The following SFMBT2 variants were observed in gnomAD, a reference collection of about 807,000 sequenced individuals.
The protein encoded by SFMBT2 is scm-like with four MBT domains protein 2.
In SFMBT2, 38 loss-of-function variants were observed where a neutral mutation model predicts 110.1. That is an observed-to-expected ratio of 0.35 (90% CI 0.27 to 0.45). The LOEUF is 0.45. Among genes scored for constraint, SFMBT2 ranks in the 20% least tolerant of loss-of-function variants. SFMBT2 has a pLI of 1.00. For missense variants in SFMBT2, 1,011 were observed against 1,094.9 expected, an observed-to-expected ratio of 0.92 and a Z score of 1.08; for synonymous variants, 425 against 425.4, an observed-to-expected ratio of 1.00 and a Z score of 0.01.
At chr10:7,276,052 C>A (rs1455766887) in intron 7 of SFMBT2, among the ~76,000 whole-genome samples, 1 of 152,242 alleles carries the variant, frequency 6.6e-6, no homozygotes, top group Non-Finnish European at 1.5e-5. Context: ...CTTGGATGAA[C>A]CTGAATGGAC....
At chr10:7,189,534 T>C (rs1162569058) in intron 15 of SFMBT2, among the ~76,000 whole-genome samples, 1 of 152,230 alleles carries the variant, frequency 6.6e-6, no homozygotes, top group African/African-American at 2.4e-5. Flanking sequence ...TCATCATTAA[T>C]GATTAACATT....
At chr10:7,397,304 TAAC>T (rs1845952652) in intron 1 of SFMBT2, among the ~76,000 whole-genome samples, 1 of 151,768 alleles carries the variant, frequency 6.6e-6, no homozygotes, top group Admixed American at 6.6e-5. Flanking sequence ...TGCTAAGTAA[TAAC>T]ATACTCAATT....
At chr10:7,376,647 G>A (rs376473728) in intron 2 of SFMBT2, among the ~76,000 whole-genome samples, 2 of 125,050 alleles carry the variant, frequency 1.6e-5, no homozygotes, top group East Asian at 2.8e-4. Context: ...TAAAGTGAGC[G>A]GAGATCACAC....
intron 12 of SFMBT2, chr10:7,203,265 G>T: frequency 4.5e-6 from 1 of 223,794 alleles, no homozygotes; most frequent in Non-Finnish European, 7.5e-6. Context: ...AGAAATGCAA[G>T]CAAAAATAAA....
chr10:7,388,861 A>G (rs1168016969), intron 1 of SFMBT2, among the ~76,000 whole-genome samples: 1 of 152,064 alleles, frequency 6.6e-6, no homozygotes, highest in African/African-American at 2.4e-5. Flanking sequence ...GTGTTCCAGG[A>G]AGTGAAATGA....
chr10:7,377,168 CAAAAAAAAAA>C (rs58212127), intron 2 of SFMBT2, among the ~76,000 whole-genome samples: 4 of 83,820 alleles, frequency 4.8e-5, no homozygotes, highest in Admixed American at 1.4e-4. Context: ...GACTCCATCT[CAAAAAAAAAA>C]AAAAAAAAAA....
At chr10:7,336,996 C>G (rs1843736580) in intron 4 of SFMBT2, among the ~76,000 whole-genome samples, 1 of 151,410 alleles carries the variant, frequency 6.6e-6, no homozygotes, top group South Asian at 2.1e-4. Flanking sequence ...GGAGTACTTT[C>G]TGTCACCAGT....
At chr10:7,324,692 CG>C (rs560829133) in intron 4 of SFMBT2, among the ~76,000 whole-genome samples, 1 of 152,306 alleles carries the variant, frequency 6.6e-6, no homozygotes, top group South Asian at 2.1e-4. Context: ...TAAACAGAAA[CG>C]TATCTCACAG....
At chr10:7,204,051 A>T (rs889227672) in intron 12 of SFMBT2, 1 of 243,936 alleles carries the variant, frequency 4.1e-6, no homozygotes, top group Middle Eastern at 2.2e-3. Context: ...AGGGGAAAAG[A>T]ATGTCCCTGG....
intron 1 of SFMBT2, among the ~76,000 whole-genome samples, chr10:7,404,074 A>G (rs1233621203): frequency 1.3e-5 from 2 of 152,186 alleles, no homozygotes; most frequent in African/African-American, 2.4e-5. Context: ...CACCCCACAC[A>G]TATGTATGAT....
chr10:7,322,933 G>A (rs1377584005), intron 4 of SFMBT2, among the ~76,000 whole-genome samples: 1 of 152,186 alleles, frequency 6.6e-6, no homozygotes, highest in Admixed American at 6.5e-5. Context: ...GCTCTCATTT[G>A]TAAACCAGAA....
chr10:7,299,090 C>T (rs1250040576), intron 4 of SFMBT2, among the ~76,000 whole-genome samples: 1 of 152,106 alleles, frequency 6.6e-6, no homozygotes, highest in Non-Finnish European at 1.5e-5. Flanking sequence ...AATATACATT[C>T]TTCTCAGTGC....
At chr10:7,213,778 CGTGTGCG>C (rs1564387225) in intron 11 of SFMBT2, among the ~76,000 whole-genome samples, 11 of 146,926 alleles carry the variant, frequency 7.5e-5, no homozygotes, top group Non-Finnish European at 1.5e-4. Flanking sequence ...CACTCAGATC[CGTGTGCG>C]AGGCCATGGT....
intron 4 of SFMBT2, chr10:7,287,227 C>T (rs1288172922): frequency 6.6e-6 from 1 of 151,982 alleles, no homozygotes; most frequent in Non-Finnish European, 1.5e-5. Flanking sequence ...CTACAGGCAC[C>T]CGCCACCATG....
chr10:7,266,156 C>G (rs563646907), intron 7 of SFMBT2, among the ~76,000 whole-genome samples: 1 of 151,790 alleles, frequency 6.6e-6, no homozygotes, highest in African/African-American at 2.4e-5. Flanking sequence ...ATAGCATGAT[C>G]TCAGCTCACT....
At chr10:7,167,130 T>C (rs2131514051) in intron 20 of SFMBT2, among the ~76,000 whole-genome samples, 1 of 152,268 alleles carries the variant, frequency 6.6e-6, no homozygotes, top group East Asian at 1.9e-4. Flanking sequence ...GGTATTGAGA[T>C]CTAGAGAAGT....
chr10:7,364,748 C>T (rs1396046975), intron 4 of SFMBT2, among the ~76,000 whole-genome samples: 1 of 152,228 alleles, frequency 6.6e-6, no homozygotes, highest in Non-Finnish European at 1.5e-5. Context: ...TATGTGCCCC[C>T]TCTGTGTGCC....
chr10:7,332,044 G>A (rs1379941984), intron 4 of SFMBT2, among the ~76,000 whole-genome samples: 1 of 148,448 alleles, frequency 6.7e-6, no homozygotes, highest in African/African-American at 2.5e-5. Context: ...AAAAGGAAAG[G>A]TGAATGGTTA....
At chr10:7,251,559 T>G (rs1840812960) in intron 7 of SFMBT2, among the ~76,000 whole-genome samples, 1 of 152,146 alleles carries the variant, frequency 6.6e-6, no homozygotes, top group Admixed American at 6.5e-5. Context: ...TGCAGGTAAA[T>G]ATCCTTCCCC....
Sources: gnomAD v4.1 joint callset for allele counts (sites outside exome capture counted in the v4.1 genomes callset) on GRCh38, gnomAD v4.1.1 for gene constraint, MANE v1.5 for transcripts, NCBI Gene and HGNC (gene_info 2026-07-23, HGNC 2026-07-21) for gene names.